Variants in LEKR1 observed in about 807,000 individuals in gnomAD.
The protein encoded by LEKR1 is protein LEKR1.
In LEKR1, 59 loss-of-function variants were observed where a neutral mutation model predicts 72.4. That is an observed-to-expected ratio of 0.82 (90% CI 0.66 to 1.01). The LOEUF is 1.01. LEKR1 is among the 50% of genes least tolerant of loss of function. LEKR1 has a pLI of 0.00. For synonymous variants in LEKR1, 257 were observed against 263.2 expected, an observed-to-expected ratio of 0.98 and a Z score of 0.23; for missense variants, 728 against 759.2, an observed-to-expected ratio of 0.96 and a Z score of 0.48.
rs537092763 is a variant in LEKR1, at chr3:156,962,923, C to T, written c.746-16271C>T. Among the ~76,000 whole-genome samples the T allele has an allele frequency of 2.8e-4, 43 of 152,250 alleles. No homozygotes were observed. In the East Asian group the frequency reaches 7.9e-3, roughly 28 times the overall value. ...AGCTCTACCACTCTCTTTGCCTTTT[C>T]TTTAACTGTACCATAGGACCTTGGG... On this transcript the variant is annotated intron_variant, in intron 6 of 12. Coordinates refer to ENST00000356539, the MANE Select transcript of LEKR1 (RefSeq NM_001004316.3).
chr3:157,028,045 A>T, intron 11 of LEKR1, 58 bp from the exon 12 acceptor site: 1 of 1,170,792 alleles, frequency 8.5e-7, no homozygotes, highest in East Asian at 2.4e-5. Context: ...AAACCATAAG[A>T]ATTCTGTGGT....
chr3:156,915,398 A>T (rs979724774), intron 3 of LEKR1, among the ~76,000 whole-genome samples: 3 of 151,408 alleles, frequency 2.0e-5, no homozygotes, highest in Admixed American at 6.6e-5. Flanking sequence ...CCTTTTCTAC[A>T]TAACCTTGCC....
chr3:156,872,681 C>G (rs1212411458), intron 3 of LEKR1, among the ~76,000 whole-genome samples: 1 of 151,910 alleles, frequency 6.6e-6, no homozygotes, highest in African/African-American at 2.4e-5. Flanking sequence ...TTTATTTCCT[C>G]CTTAATTTTT....
intron 5 of LEKR1, among the ~76,000 whole-genome samples, chr3:156,938,489 G>T (rs1725919671): frequency 6.6e-6 from 1 of 152,102 alleles, no homozygotes; most frequent in Non-Finnish European, 1.5e-5. Context: ...CTATTCTCCT[G>T]CCTCAGCCTC....
chr3:156,829,134 C>G (rs1712033338), intron 1 of LEKR1, among the ~76,000 whole-genome samples, 152 bp from the exon 2 acceptor site: 1 of 152,220 alleles, frequency 6.6e-6, no homozygotes, highest in Non-Finnish European at 1.5e-5. Flanking sequence ...AAAACCCTAA[C>G]TGTACCTTCT....
intron 3 of LEKR1, among the ~76,000 whole-genome samples, chr3:156,888,730 GTCA>G (rs1422214856): frequency 6.6e-6 from 1 of 152,170 alleles, no homozygotes; most frequent in Middle Eastern, 3.4e-3. Flanking sequence ...TTGAATACTT[GTCA>G]TCATCATCCT....
chr3:157,034,050 G>GA (rs35643684), intron 12 of LEKR1, among the ~76,000 whole-genome samples: 106,596 of 147,624 alleles, frequency 0.72, 38,616 homozygotes, highest in East Asian at 0.93. Context: ...CTACTGTTCA[G>GA]AAAAAAAAAA....
At chr3:156,895,597 G>A (rs1721097130) in intron 3 of LEKR1, among the ~76,000 whole-genome samples, 1 of 151,788 alleles carries the variant, frequency 6.6e-6, no homozygotes, top group African/African-American at 2.4e-5. Context: ...GACGACAGAG[G>A]GAGACCTTGT....
rs145077578 is a variant in LEKR1 at position 157,001,172 on chromosome 3, C to T, written c.1109+7895C>T. 5.7e-3 allele frequency among the ~76,000 whole-genome samples: 864 copies of T among 152,256 alleles called. 4 individuals are homozygous for T. The highest frequency in any genetic ancestry group is 0.02 in the African/African-American group (813 of 41,560). ...AAAACATACTATTACAGATGCTAAT[C>T]TGTTAGTTTAAAGCATTATGAAATG... On this transcript the variant is annotated intron_variant, in intron 9 of 12. Transcript: ENST00000356539.
chr3:156,967,656 A>G (rs1352178530), intron 6 of LEKR1, among the ~76,000 whole-genome samples: 3 of 152,258 alleles, frequency 2.0e-5, no homozygotes, highest in Non-Finnish European at 2.9e-5. Context: ...TGATTGGTGT[A>G]CCTGAAAGTG....
chr3:156,832,192 G>T (rs74327014), intron 2 of LEKR1, among the ~76,000 whole-genome samples: 3,672 of 151,068 alleles, frequency 0.024, 135 homozygotes, highest in East Asian at 0.15. Context: ...GTGAACAGGT[G>T]GACTATAAGA....
chr3:156,992,142 C>T (rs1428258702), intron 7 of LEKR1, among the ~76,000 whole-genome samples: 4 of 152,192 alleles, frequency 2.6e-5, no homozygotes, highest in African/African-American at 4.8e-5. Flanking sequence ...CTCCGGCTCT[C>T]GCCTCTTCAG....
Position 157,006,446 on chromosome 3 carries a change from G to A in LEKR1, c.1110-4967G>A, listed in dbSNP as rs149065071. Among the ~76,000 whole-genome samples, 10 of 152,274 alleles carry A rather than the reference G, an allele frequency of 6.6e-5. No homozygotes were observed. The East Asian group carries it at 1.3e-3, about 21-fold the overall frequency. On this transcript the variant is annotated intron_variant, in intron 9 of 12. Transcript: ENST00000356539. The stretch of plus-strand genomic sequence containing the variant: ...AACTTATTAGAAAAACAGTTTGGAC[G>A]TTTCTTTAAAAGTTAAATATATACC...
intron 7 of LEKR1, among the ~76,000 whole-genome samples, chr3:156,985,830 G>C (rs991753539): frequency 1.5e-5 from 2 of 130,444 alleles, no homozygotes; most frequent in Admixed American, 8.2e-5. Flanking sequence ...GCAGCAAAGC[G>C]AGACTCTGTG....
At chr3:157,031,508 T>C (rs952336285) in intron 12 of LEKR1, among the ~76,000 whole-genome samples, 4 of 152,154 alleles carry the variant, frequency 2.6e-5, no homozygotes, top group African/African-American at 9.7e-5. Context: ...TAATTAAGGC[T>C]GCTTCTCTGG....
chr3:157,009,358 G>A (rs1455110481), intron 9 of LEKR1, among the ~76,000 whole-genome samples: 1 of 151,992 alleles, frequency 6.6e-6, no homozygotes, highest in Non-Finnish European at 1.5e-5. Context: ...ATCTTAACTT[G>A]AACTGGCCAC....
intron 11 of LEKR1, 137 bp from the exon 12 acceptor site, chr3:157,027,966 C>A: frequency 3.9e-6 from 2 of 509,060 alleles, no homozygotes; most frequent in Admixed American, 3.8e-5. Context: ...ATCTTGAAGG[C>A]CTGCACATCA....
chr3:156,914,526 G>C (rs913590348), intron 3 of LEKR1, among the ~76,000 whole-genome samples: 8 of 152,116 alleles, frequency 5.3e-5, no homozygotes, highest in Admixed American at 4.6e-4. Flanking sequence ...GTATTCCATG[G>C]TGTATATGTG....
intron 9 of LEKR1, among the ~76,000 whole-genome samples, chr3:157,003,991 A>G (rs1732218299): frequency 6.6e-6 from 1 of 152,190 alleles, no homozygotes; most frequent in Non-Finnish European, 1.5e-5. Flanking sequence ...TAACTATATC[A>G]ATGATTAAAT....
Sources: gnomAD v4.1 joint callset for allele counts (sites outside exome capture counted in the v4.1 genomes callset) on GRCh38, gnomAD v4.1.1 for gene constraint, MANE v1.5 for transcripts, NCBI Gene and HGNC (gene_info 2026-07-23, HGNC 2026-07-21) for gene names.